The following FSIP2 variants were observed in gnomAD, a reference collection of about 807,000 sequenced individuals.
FSIP2 encodes the protein fibrous sheath-interacting protein 2.
Under a neutral mutation model 510.5 loss-of-function variants are expected in FSIP2, and 367 were observed. The ratio of observed to expected loss-of-function variants is 0.72; its 90% confidence interval spans 0.66 to 0.78. FSIP2 has a LOEUF of 0.78. Ranked by LOEUF, FSIP2 falls within the 30% of genes least tolerant of loss-of-function variation. FSIP2 has a pLI of 0.00. For synonymous variants in FSIP2, 2,601 were observed against 2,732.2 expected (o/e 0.95, Z 1.50); for missense variants, 7,594 against 7,901.7 (o/e 0.96, Z 1.48).
rs775209985 is a variant in FSIP2 at position 185,792,548 on chromosome 2, C to T, written c.5412C>T (p.His1804=). The change falls in exon 16 of 23, where the codon CAC becomes CAT. Residue 1804 remains histidine, a synonymous_variant. Transcript: ENST00000424728. ...AATTAAATGTCCTTTCTCTCTCCCACTCTAATTTTAATGGCATGCCTCACA... is the reference window on the plus strand; with the variant it reads ...AATTAAATGTCCTTTCTCTCTCCCATTCTAATTTTAATGGCATGCCTCACA... ...INQLNVLSLS[H]SNFNGMPHNV... is the part of the protein sequence containing the mutation. The T allele has an allele frequency of 5.2e-6, 8 of 1,531,630 alleles. No homozygotes were observed. In the African/African-American group the frequency reaches 1.1e-4, roughly 21 times the overall value. 94.9% of individuals were successfully genotyped at this position (1,531,630 alleles called of 1,614,324 possible).
In FSIP2 at chr2:185,796,335, A is replaced by G. The variant is rs912366971; in HGVS notation, c.9199A>G (p.Ile3067Val). The G allele has an allele frequency of 5.2e-6, 8 of 1,533,508 alleles. No individual in the cohort carries two copies. Among genetic ancestry groups the G allele is most frequent in the African/African-American group, 1.4e-5 (1 of 72,894 alleles). The allele number at this position is 1,533,508 out of a possible 1,614,324, so 95.0% of individuals were successfully genotyped here. The change falls in exon 16 of 23, where the codon ATC becomes GTC. Residue 3067 changes from isoleucine to valine, a missense_variant. By Grantham distance (29) the Ile-to-Val change is conservative. Coordinates refer to ENST00000424728, the MANE Select transcript of FSIP2 (RefSeq NM_173651.4). ...TAATTTCAAGGAAAACATACAGAAT[A>G]TCCTTCTACGGGTTCATTCATTCCA... The part of the protein sequence containing the change: ...TINFKENIQN[I>V]LLRVHSFHSQ...
At position 185,789,876 on chromosome 2, in the gene FSIP2, G is replaced by C; in HGVS notation, c.2740G>C (p.Gly914Arg). 6.5e-7 allele frequency: 1 copy of C among 1,531,886 alleles called. No homozygotes were observed. The highest frequency in any genetic ancestry group is 2.4e-5 in the East Asian group (1 of 40,820). The allele number at this position is 1,531,886 out of a possible 1,614,324, so 94.9% of individuals were successfully genotyped here. Residue 914 changes from glycine to arginine, a missense_variant, in exon 16 of 23, where the codon GGT (glycine) becomes CGT (arginine). Coordinates refer to ENST00000424728, the MANE Select transcript of FSIP2 (RefSeq NM_173651.4). ...YIEEAINAIL[G>R]YIQTELNNER... ...AGAGGAAGCAATCAATGCTATACTA[G>C]GTTATATACAAACTGAACTAAATAA...
At position 185,796,660 on chromosome 2, in the gene FSIP2, G is replaced by C; in HGVS notation, c.9524G>C (p.Ser3175Thr). 6.5e-7 allele frequency: 1 copy of C among 1,535,144 alleles called. No homozygotes were observed. The highest frequency in any genetic ancestry group is 8.7e-7 in the Non-Finnish European group (1 of 1,146,266). The change falls in exon 16 of 23, where the codon AGT becomes ACT. Residue 3175 changes from serine (S) to threonine (T), a missense_variant. By Grantham distance (58) the Ser-to-Thr change is moderately conservative. Coordinates refer to ENST00000424728, the MANE Select transcript of FSIP2 (RefSeq NM_173651.4). ...KMFTSKLKEG[S>T]LGINPSQVSK... ...TTCACATCAAAGTTAAAGGAAGGTA[G>C]TTTGGGGATTAATCCTTCACAAGTG...
chr2:185,830,518 T>C (rs1186571843), intron 21 of FSIP2, among the ~76,000 whole-genome samples: 1 of 151,842 alleles, frequency 6.6e-6, no homozygotes, highest in Non-Finnish European at 1.5e-5. Flanking sequence ...TATAAAATGG[T>C]GTAATATTTG....
chr2:185,830,595 C>T (rs1487240927), intron 21 of FSIP2, among the ~76,000 whole-genome samples: 1 of 151,748 alleles, frequency 6.6e-6, no homozygotes, highest in Non-Finnish European at 1.5e-5. Flanking sequence ...ATAACTAGCA[C>T]AATGTAAATA....
intron 20 of FSIP2, among the ~76,000 whole-genome samples, chr2:185,824,693 G>T (rs530281848): frequency 1.7e-4 from 26 of 151,760 alleles, no homozygotes; most frequent in African/African-American, 5.8e-4. Flanking sequence ...ACTGATTGTG[G>T]TATCAAGTAT....
rs1393826722 is a variant in FSIP2, at chr2:185,793,947, T to G, written c.6811T>G (p.Ser2271Ala). ...ATCTTTTGCCACAGAAAGAATAGAT[T>G]CATTAATTACCCTTGCTTTCCAAAG... is the stretch of plus-strand genomic sequence containing the variant. ...LESFATERID[S>A]LITLAFQSKE... Residue 2271 changes from serine (S) to alanine (A), a missense_variant, in exon 16 of 23, where the codon TCA (serine) becomes GCA (alanine). By Grantham distance (99) the Ser-to-Ala change is moderately conservative. Coordinates refer to ENST00000424728, the MANE Select transcript of FSIP2 (RefSeq NM_173651.4). 14 of 1,526,574 alleles carry G rather than the reference T, an allele frequency of 9.2e-6. No individual in the cohort carries two copies. Among genetic ancestry groups the G allele is most frequent in the Non-Finnish European group, 1.2e-5 (14 of 1,142,782 alleles). 94.6% of individuals were successfully genotyped at this position (1,526,574 alleles called of 1,614,324 possible).
At chr2:185,748,168 C>G (rs1692074334) in intron 7 of FSIP2, among the ~76,000 whole-genome samples, 1 of 152,022 alleles carries the variant, frequency 6.6e-6, no homozygotes, top group Non-Finnish European at 1.5e-5. Context: ...GTATGCTTCT[C>G]TTTCATTCTG....
chr2:185,809,266 T>A, intron 17 of FSIP2, 133 bp downstream of exon 17: 1 of 943,478 alleles, frequency 1.1e-6, no homozygotes, highest in Non-Finnish European at 1.5e-6. Context: ...GGAGAATTAG[T>A]TGCATCAGTT....
chr2:185,817,299 C>T (rs1307029996), intron 19 of FSIP2, among the ~76,000 whole-genome samples: 2 of 151,952 alleles, frequency 1.3e-5, no homozygotes, highest in African/African-American at 2.4e-5. Context: ...AGCCTGGAAA[C>T]CACAGAAAGT....
rs1387951207 is a variant in FSIP2 at position 185,793,870 on chromosome 2, CAT to C, written c.6735_6736del (p.Cys2246Ter). 8.5e-6 allele frequency: 13 copies of C among 1,530,678 alleles called. No individual in the cohort carries two copies. The highest frequency in any genetic ancestry group is 2.4e-5 in the East Asian group (1 of 40,834). The allele number at this position is 1,530,678 out of a possible 1,614,324, so 94.8% of individuals were successfully genotyped here. Reference sequence around the variant, plus strand: ...GACACTCAGAAATCTGCTACTGACTCATGTGAGGAAAATGCTAACTTCATTAC... The same window carrying C: ...GACACTCAGAAATCTGCTACTGACTCGTGAGGAAAATGCTAACTTCATTAC... On this transcript the variant is annotated frameshift_variant, in exon 16 of 23. Coordinates refer to ENST00000424728, the MANE Select transcript of FSIP2 (RefSeq NM_173651.4). LOFTEE classifies it high-confidence loss of function.
rs1693397070 is a variant in FSIP2 at position 185,800,175 on chromosome 2, T to C, written c.10869T>C (p.Tyr3623=). The change falls in exon 17 of 23, where the codon TAT becomes TAC. Residue 3623 remains tyrosine, a synonymous_variant. Transcript: ENST00000424728. ...HVLSKEIEVD[Y]HFESNVRNKS... is the part of the protein sequence containing the mutation. Reference sequence around the variant, plus strand: ...TGTCCAAAGAAATAGAAGTAGATTATCACTTTGAAAGCAATGTAAGAAACA... The same window carrying C: ...TGTCCAAAGAAATAGAAGTAGATTACCACTTTGAAAGCAATGTAAGAAACA... 2 of 1,533,112 alleles carry C rather than the reference T, an allele frequency of 1.3e-6. No homozygotes were observed. The highest frequency in any genetic ancestry group is 2.7e-5 in the African/African-American group (2 of 72,936). The allele number at this position is 1,533,112 out of a possible 1,614,324, so 95.0% of individuals were successfully genotyped here.
rs190912159 is a variant in FSIP2, at chr2:185,795,043, T to C, written c.7907T>C (p.Val2636Ala). The stretch of plus-strand genomic sequence containing the variant: ...GTGAAGAAAGACTTAATTCAAATGG[T>C]TCTCAATAAGATCACAAATTTTGTC... ...LQVKKDLIQM[V>A]LNKITNFVSL... is the part of the protein sequence containing the mutation. The change falls in exon 16 of 23, where the codon GTT (valine) becomes GCT (alanine). Residue 2636 changes from valine (V) to alanine (A), a missense_variant. Physicochemically the swap from Val to Ala is moderately conservative, Grantham distance 64. Coordinates refer to ENST00000424728, the MANE Select transcript of FSIP2 (RefSeq NM_173651.4). 102 of 1,534,628 alleles carry C rather than the reference T, an allele frequency of 6.6e-5. No homozygotes were observed. The East Asian group carries it at 2.3e-3, about 35-fold the overall frequency.
chr2:185,770,748 C>A (rs914304612), intron 13 of FSIP2, among the ~76,000 whole-genome samples: 1 of 152,054 alleles, frequency 6.6e-6, no homozygotes, highest in African/African-American at 2.4e-5. Context: ...CCCAATAGTC[C>A]CCCCAAATCT....
At chr2:185,817,672 C>T (rs559373121) in intron 19 of FSIP2, among the ~76,000 whole-genome samples, 1 of 151,884 alleles carries the variant, frequency 6.6e-6, no homozygotes, top group South Asian at 2.1e-4. Flanking sequence ...CACATTTGAA[C>T]AAAAGATTAC....
At chr2:185,752,801 A>C (rs916346692) in intron 7 of FSIP2, among the ~76,000 whole-genome samples, 2 of 151,364 alleles carry the variant, frequency 1.3e-5, no homozygotes, top group African/African-American at 4.8e-5. Context: ...TGATAGATCT[A>C]CTTCTTTTAT....
rs1693568905 is a variant in FSIP2 at position 185,806,126 on chromosome 2, G to C, written c.16820G>C (p.Gly5607Ala). The C allele has an allele frequency of 6.4e-7, 1 of 1,573,746 alleles. No individual in the cohort carries two copies. Among genetic ancestry groups the C allele is most frequent in the Non-Finnish European group, 8.6e-7 (1 of 1,167,246 alleles). ...KEVLGSDSEI[G>A]YKKKIDNARE... ...GTACTTGGATCAGATTCTGAAATAGGCTATAAAAAGAAGATTGACAATGCA... is the reference window on the plus strand; with the variant it reads ...GTACTTGGATCAGATTCTGAAATAGCCTATAAAAAGAAGATTGACAATGCA... The change falls in exon 17 of 23, where the codon GGC becomes GCC. Residue 5607 changes from glycine (G) to alanine (A), a missense_variant. Gly to Ala is a moderately conservative substitution (Grantham distance 60). Transcript: ENST00000424728.
At chr2:185,748,570 A>C (rs1559010151) in intron 7 of FSIP2, among the ~76,000 whole-genome samples, 1 of 151,312 alleles carries the variant, frequency 6.6e-6, no homozygotes, top group Non-Finnish European at 1.5e-5. Flanking sequence ...ACTCCATCTC[A>C]AAAAAAAAGA....
chr2:185,759,709 T>G (rs2105554484), intron 9 of FSIP2, among the ~76,000 whole-genome samples: 1 of 148,232 alleles, frequency 6.7e-6, no homozygotes, highest in South Asian at 2.1e-4. Flanking sequence ...TTCTTGCATG[T>G]TTGCTCATGG....
Sources: allele counts gnomAD v4.1 joint callset (sites outside exome capture counted in the v4.1 genomes callset), GRCh38; gene constraint gnomAD v4.1.1; transcripts MANE v1.5; gene names NCBI Gene and HGNC (gene_info 2026-07-23, HGNC 2026-07-21).